EBF4: variants seen among roughly 807,000 people sequenced by gnomAD.
EBF4 encodes the protein EBF transcription factor 4.
In EBF4, 34 loss-of-function variants were observed where a neutral mutation model predicts 67.1. The observed-to-expected ratio is 0.51, with a 90% CI of 0.39 to 0.67. The LOEUF is 0.67. EBF4 is among the 30% of genes least tolerant of loss of function. The pLI, the probability that EBF4 is intolerant of heterozygous loss-of-function variation, is 0.00. For missense variants in EBF4, 837 were observed against 873.3 expected, an observed-to-expected ratio of 0.96 and a Z score of 0.52; for synonymous variants, 387 against 377.7, an observed-to-expected ratio of 1.02 and a Z score of -0.29.
intron 6 of EBF4, among the ~76,000 whole-genome samples, chr20:2,727,251 C>G (rs2087758100): frequency 1.3e-5 from 2 of 151,818 alleles, no homozygotes; most frequent in Non-Finnish European, 1.5e-5. Flanking sequence ...ATCAATGAAC[C>G]CTTCAGTTGC....
intron 6 of EBF4, among the ~76,000 whole-genome samples, chr20:2,731,709 G>C (rs1364750427): frequency 6.6e-6 from 1 of 152,176 alleles, no homozygotes; most frequent in East Asian, 1.9e-4. Flanking sequence ...TTCTCTGTCC[G>C]TGGGTACCAG....
intron 16 of EBF4, 128 bp downstream of exon 16, chr20:2,759,112 C>G (rs1306889179): frequency 1.0e-4 from 95 of 906,258 alleles, no homozygotes; most frequent in Non-Finnish European, 1.4e-4. Context: ...GAGCTGGGGT[C>G]CAAGTCTTCC....
intron 6 of EBF4, among the ~76,000 whole-genome samples, chr20:2,736,067 GTTTAA>G (rs1373335523): frequency 6.6e-6 from 1 of 152,172 alleles, no homozygotes; most frequent in Non-Finnish European, 1.5e-5. Flanking sequence ...ATTTAATTGT[GTTTAA>G]TTTAAATCAA....
chr20:2,730,312 C>T (rs1403644845), intron 6 of EBF4, among the ~76,000 whole-genome samples: 11 of 152,226 alleles, frequency 7.2e-5, no homozygotes, highest in African/African-American at 2.4e-4. Context: ...TGTTGGCAGT[C>T]CCTGTGGCGG....
chr20:2,705,785 C>CCACACACA (rs71193988), intron 2 of EBF4, 52 bp downstream of exon 2: 14,198 of 747,132 alleles, frequency 0.019, 130 homozygotes, highest in Non-Finnish European at 0.022. Context: ...GAACCCCCAA[C>CCACACACA]CACACACACA....
At chr20:2,704,859 T>C (rs1324974516) in intron 1 of EBF4, among the ~76,000 whole-genome samples, 1 of 152,214 alleles carries the variant, frequency 6.6e-6, no homozygotes, top group Non-Finnish European at 1.5e-5. Flanking sequence ...GGGAATGCCT[T>C]CCTCCTGCTC....
At chr20:2,749,794 GGGCCCTCCCCTCGC>G in intron 9 of EBF4, 39 bp from the exon 10 acceptor site, 3 of 1,541,524 alleles carry the variant, frequency 1.9e-6, no homozygotes, top group Non-Finnish European at 2.6e-6. Flanking sequence ...CCTAGGGGCT[GGGCCCTCCCCTCGC>G]CGGTGCGGGA....
intron 6 of EBF4, among the ~76,000 whole-genome samples, chr20:2,744,492 CTTTTTT>C (rs35298353): frequency 1.7e-5 from 2 of 115,892 alleles, no homozygotes; most frequent in African/African-American, 6.7e-5. Context: ...TTTTTCTTTT[CTTTTTT>C]TTTTTTTTTT....
At chr20:2,738,090 T>G (rs951823764) in intron 6 of EBF4, among the ~76,000 whole-genome samples, 79 of 152,064 alleles carry the variant, frequency 5.2e-4, no homozygotes, top group African/African-American at 1.7e-3. Context: ...AAGGGGGACA[T>G]TCTCACTTAA....
intron 5 of EBF4, among the ~76,000 whole-genome samples, chr20:2,708,648 A>G (rs2087494720): frequency 6.6e-6 from 1 of 152,206 alleles, no homozygotes; most frequent in Non-Finnish European, 1.5e-5. Flanking sequence ...GCATGAGCGC[A>G]GGAGTTCAAG....
intron 6 of EBF4, among the ~76,000 whole-genome samples, chr20:2,725,135 A>G (rs1045474655): frequency 1.3e-5 from 2 of 152,126 alleles, no homozygotes; most frequent in African/African-American, 4.8e-5. Flanking sequence ...GTCTCTCCTA[A>G]TGTTACATCT....
intron 5 of EBF4, among the ~76,000 whole-genome samples, 170 bp downstream of exon 5, chr20:2,708,190 G>A (rs939984635): frequency 1.3e-5 from 2 of 152,350 alleles, no homozygotes; most frequent in Middle Eastern, 3.4e-3. Flanking sequence ...TGGGCACAGC[G>A]CTGGCTGAGG....
At chr20:2,737,925 A>AT (rs2087912160) in intron 6 of EBF4, among the ~76,000 whole-genome samples, 1 of 150,952 alleles carries the variant, frequency 6.6e-6, no homozygotes, top group South Asian at 2.1e-4. Context: ...AGATCGCGCC[A>AT]TTGCACTCCA....
intron 6 of EBF4, among the ~76,000 whole-genome samples, chr20:2,718,835 C>G (rs889275140): frequency 2.0e-5 from 3 of 152,098 alleles, no homozygotes. Flanking sequence ...AATTCCTTCT[C>G]CTTCTGGTGT....
intron 4 of EBF4, 117 bp downstream of exon 4, chr20:2,706,381 A>T: frequency 1.6e-6 from 2 of 1,229,772 alleles, no homozygotes; most frequent in Middle Eastern, 4.0e-4. Context: ...CTCCGTCCCC[A>T]TCAGCCTAGC....
intron 6 of EBF4, among the ~76,000 whole-genome samples, chr20:2,710,743 TACC>T (rs759152615): frequency 4.7e-4 from 71 of 152,196 alleles, no homozygotes; most frequent in Admixed American, 3.1e-3. Context: ...CCAAATAAGC[TACC>T]ACTATTAGCA....
intron 1 of EBF4, among the ~76,000 whole-genome samples, chr20:2,694,997 C>T (rs2087267454): frequency 6.6e-6 from 1 of 152,180 alleles, no homozygotes; most frequent in South Asian, 2.1e-4. Flanking sequence ...TTTAGTCCCT[C>T]CTCTGTAATA....
intron 6 of EBF4, among the ~76,000 whole-genome samples, chr20:2,742,905 T>C (rs565546454): frequency 5.2e-4 from 79 of 152,156 alleles, no homozygotes; most frequent in African/African-American, 1.8e-3. Flanking sequence ...CCCTACAGGG[T>C]GTCCCAGGCC....
chr20:2,701,152 A>G (rs1182546612), intron 1 of EBF4, among the ~76,000 whole-genome samples: 2 of 152,184 alleles, frequency 1.3e-5, no homozygotes, highest in African/African-American at 2.4e-5. Flanking sequence ...GTGCTGCTCC[A>G]TGGGTGGGTG....
Sources: allele counts gnomAD v4.1 joint callset (sites outside exome capture counted in the v4.1 genomes callset), GRCh38; gene constraint gnomAD v4.1.1; transcripts MANE v1.5; gene names NCBI Gene and HGNC (gene_info 2026-07-23, HGNC 2026-07-21).